DLG2: variants seen among roughly 807,000 people sequenced by gnomAD.
DLG2 encodes disks large homolog 2.
In DLG2, 45 loss-of-function variants were observed where a neutral mutation model predicts 132.5. That is an observed-to-expected ratio of 0.34 (90% CI 0.27 to 0.44). The LOEUF (loss-of-function observed/expected upper bound fraction) is 0.44. Ranked by LOEUF, DLG2 falls within the 20% of genes least tolerant of loss-of-function variation. The pLI is 1.00. For synonymous variants in DLG2, 424 were observed against 419.6 expected (o/e 1.01, Z -0.13); for missense variants, 1,045 against 1,196.9 (o/e 0.87, Z 1.87).
intron 18 of DLG2, among the ~76,000 whole-genome samples, chr11:83,779,767 C>A (rs1218972347): frequency 6.6e-6 from 1 of 152,120 alleles, no homozygotes. Context: ...ATTTCTATTT[C>A]TTAGTGATTC....
intron 21 of DLG2, among the ~76,000 whole-genome samples, chr11:83,485,842 G>T (rs941733223): frequency 2.6e-5 from 4 of 152,092 alleles, no homozygotes; most frequent in African/African-American, 9.7e-5. Context: ...TGAAATGTTG[G>T]TGCTGTCACT....
chr11:84,604,008 A>G (rs1199409690), intron 6 of DLG2, among the ~76,000 whole-genome samples: 1 of 152,020 alleles, frequency 6.6e-6, no homozygotes, highest in East Asian at 1.9e-4. Context: ...TGACTACACA[A>G]GGGATCATCA....
In DLG2 at chr11:84,388,145, C is replaced by T. The variant is rs75986909; in HGVS notation, c.520-136854G>A. ...ACAGCCTCACTGACAAACATATATT[C>T]GACTTATCCTACAGATACACAGAAT... On this transcript the variant is annotated intron_variant, in intron 7 of 27. Transcript: ENST00000376104. Among the ~76,000 whole-genome samples, 436 of 152,230 alleles carry T rather than the reference C, an allele frequency of 2.9e-3. 15 individuals carry two copies. The East Asian group carries it at 0.065, about 23-fold the overall frequency.
chr11:85,359,064 G>C (rs1360836436), intron 3 of DLG2, among the ~76,000 whole-genome samples: 2 of 152,232 alleles, frequency 1.3e-5, no homozygotes, highest in East Asian at 3.9e-4. Flanking sequence ...TTAGTGAAAA[G>C]CAGATAAAGC....
Position 85,302,659 on chromosome 11 carries a change from A to AC in DLG2, c.41-17295_41-17294insG, listed in dbSNP as rs1410794949. ...CACTTGAAAAGTTAAAAAAAAAAAA[A>AC]AAAAAACAGTCAGTTAGTTGATAAT... is the stretch of plus-strand genomic sequence containing the variant. On this transcript the variant is annotated intron_variant, in intron 3 of 27. Coordinates refer to ENST00000376104, the MANE Select transcript of DLG2 (RefSeq NM_001142699.3). Among the ~76,000 whole-genome samples the AC allele has an allele frequency of 7.9e-5, 12 of 151,890 alleles. No homozygotes were observed. The East Asian group carries it at 1.2e-3, about 15-fold the overall frequency.
chr11:84,585,446 A>G (rs2099527370), intron 6 of DLG2, among the ~76,000 whole-genome samples: 1 of 152,048 alleles, frequency 6.6e-6, no homozygotes, highest in African/African-American at 2.4e-5. Flanking sequence ...TAGGCCATGT[A>G]CCCTCACCTG....
intron 6 of DLG2, among the ~76,000 whole-genome samples, chr11:84,908,808 G>A (rs1292752682): frequency 6.6e-6 from 1 of 150,724 alleles, no homozygotes; most frequent in Non-Finnish European, 1.5e-5. Flanking sequence ...AACATATGTT[G>A]AAAGCATATT....
chr11:84,297,747 A>G (rs1599336899), intron 7 of DLG2, among the ~76,000 whole-genome samples: 1 of 151,912 alleles, frequency 6.6e-6, no homozygotes, highest in African/African-American at 2.4e-5. Context: ...CCCCCAGTCT[A>G]CCTGACCCAG....
At chr11:83,998,417 T>G (rs888416803) in intron 11 of DLG2, among the ~76,000 whole-genome samples, 1 of 152,182 alleles carries the variant, frequency 6.6e-6, no homozygotes, top group African/African-American at 2.4e-5. Flanking sequence ...ACACTTCGTA[T>G]AGTTCCCTGA....
intron 21 of DLG2, among the ~76,000 whole-genome samples, chr11:83,501,220 T>C (rs1177762506): frequency 1.4e-5 from 2 of 147,452 alleles, no homozygotes; most frequent in African/African-American, 5.0e-5. Flanking sequence ...TTTTTTTGGA[T>C]ATTTTCTAAA....
intron 6 of DLG2, among the ~76,000 whole-genome samples, chr11:84,567,163 G>C (rs921078138): frequency 1.3e-5 from 2 of 152,058 alleles, no homozygotes; most frequent in Admixed American, 6.6e-5. Flanking sequence ...AGCCACACAA[G>C]CGTTATTGAA....
intron 7 of DLG2, among the ~76,000 whole-genome samples, chr11:84,457,114 A>G (rs1234564157): frequency 1.3e-5 from 2 of 151,236 alleles, no homozygotes; most frequent in African/African-American, 4.8e-5. Context: ...TTAGGTACAA[A>G]AACCATATGT....
At chr11:84,240,117 C>T (rs1022308) in intron 8 of DLG2, among the ~76,000 whole-genome samples, 91,765 of 152,062 alleles carry the variant, frequency 0.6, 29,096 homozygotes, top group East Asian at 0.75. Flanking sequence ...TTTAAACGGA[C>T]GAACAATGTC....
At chr11:84,600,162 A>AAGAAAG (rs1472297901) in intron 6 of DLG2, among the ~76,000 whole-genome samples, 2 of 78,404 alleles carry the variant, frequency 2.6e-5, no homozygotes, top group Non-Finnish European at 5.5e-5. Context: ...GAAAGAAGGA[A>AAGAAAG]AGAAAGAAAG....
At chr11:83,538,778 C>T (rs548837902) in intron 20 of DLG2, among the ~76,000 whole-genome samples, 19 of 152,292 alleles carry the variant, frequency 1.2e-4, no homozygotes, top group Non-Finnish European at 2.2e-4. Flanking sequence ...CCTGCATTGC[C>T]CTAATCGCAG....
intron 14 of DLG2, among the ~76,000 whole-genome samples, chr11:83,938,444 T>C (rs969031876): frequency 6.6e-6 from 1 of 152,172 alleles, no homozygotes; most frequent in Admixed American, 6.5e-5. Context: ...CGTGCAGATT[T>C]AAAGAGGAAT....
rs148948519 is a variant in DLG2 at position 85,118,929 on chromosome 11, A to T, written c.283-7194T>A. 5.1e-3 allele frequency among the ~76,000 whole-genome samples: 775 copies of T among 151,750 alleles called. 17 individuals carry two copies. In the East Asian group the frequency reaches 0.074, roughly 15 times the overall value. On this transcript the variant is annotated intron_variant, in intron 5 of 27. Coordinates refer to ENST00000376104, the MANE Select transcript of DLG2 (RefSeq NM_001142699.3). ...TATAACATATATGTCTAGGGGCCTG[A>T]TATATACTCTAATAGTAATAAGATA... is the stretch of plus-strand genomic sequence containing the variant.
At chr11:83,850,456 G>A (rs1267154396) in intron 16 of DLG2, among the ~76,000 whole-genome samples, 1 of 152,004 alleles carries the variant, frequency 6.6e-6, no homozygotes, top group Non-Finnish European at 1.5e-5. Flanking sequence ...GCAGCCCGGG[G>A]TAAGTTTTCT....
intron 6 of DLG2, among the ~76,000 whole-genome samples, chr11:85,097,951 T>TA (rs1200946445): frequency 1.6e-4 from 24 of 152,236 alleles, no homozygotes; most frequent in African/African-American, 4.3e-4. Flanking sequence ...TTTGACTTAA[T>TA]ATGTTATGTT....
Sources: gnomAD v4.1 joint callset for allele counts (sites outside exome capture counted in the v4.1 genomes callset) on GRCh38, gnomAD v4.1.1 for gene constraint, MANE v1.5 for transcripts, NCBI Gene and HGNC (gene_info 2026-07-23, HGNC 2026-07-21) for gene names.